Variants in DENND5A observed in about 807,000 individuals in gnomAD.
The protein encoded by DENND5A is DENN domain containing 5A.
Under a neutral mutation model 140.3 loss-of-function variants are expected in DENND5A, and 64 were observed. That is an observed-to-expected ratio of 0.46 (90% CI 0.37 to 0.56). The LOEUF is 0.56. Ranked by LOEUF, DENND5A falls within the 20% of genes least tolerant of loss-of-function variation. The pLI is 0.00. For missense variants in DENND5A, 1,292 were observed against 1,593.8 expected, an observed-to-expected ratio of 0.81 and a Z score of 3.22; for synonymous variants, 605 against 607.7, an observed-to-expected ratio of 1.00 and a Z score of 0.07.
intron 5 of DENND5A, among the ~76,000 whole-genome samples, chr11:9,185,730 G>T (rs1444223500): frequency 6.6e-6 from 1 of 152,082 alleles, no homozygotes; most frequent in Non-Finnish European, 1.5e-5. Flanking sequence ...GTACGTGTCT[G>T]TGTCTACGTG....
intron 19 of DENND5A, 21 bp from the exon 20 acceptor site, chr11:9,143,506 A>AT (rs1847318275): frequency 6.3e-7 from 1 of 1,592,432 alleles, no homozygotes; most frequent in Non-Finnish European, 8.6e-7. Flanking sequence ...TCAAGCAGAC[A>AT]TCCCTAACCA....
At chr11:9,144,611 C>T (rs1324114701) in intron 18 of DENND5A, among the ~76,000 whole-genome samples, 6 of 151,888 alleles carry the variant, frequency 4.0e-5, no homozygotes, top group African/African-American at 1.2e-4. Context: ...GTCAATATGG[C>T]GAAACCTGTC....
chr11:9,166,125 C>G (rs1721967227), intron 10 of DENND5A, among the ~76,000 whole-genome samples, 158 bp from the exon 11 acceptor site: 1 of 150,340 alleles, frequency 6.7e-6, no homozygotes, highest in African/African-American at 2.4e-5. Flanking sequence ...TGTCGCCAGG[C>G]TGGAGTGCAG....
At chr11:9,206,344 T>C (rs1424984325) in intron 3 of DENND5A, among the ~76,000 whole-genome samples, 1 of 152,140 alleles carries the variant, frequency 6.6e-6, no homozygotes, top group Non-Finnish European at 1.5e-5. Context: ...AGAAAACAAT[T>C]TTAAACTAGT....
chr11:9,259,802 G>C (rs1262711814), intron 1 of DENND5A, among the ~76,000 whole-genome samples: 2 of 152,048 alleles, frequency 1.3e-5, no homozygotes, highest in East Asian at 3.9e-4. Flanking sequence ...GCCAATGCGG[G>C]TGGGTCACCT....
chr11:9,232,758 G>A (rs1047417140), intron 1 of DENND5A, among the ~76,000 whole-genome samples: 1 of 151,990 alleles, frequency 6.6e-6, no homozygotes, highest in Admixed American at 6.6e-5. Flanking sequence ...TCACGAAAAG[G>A]CACATACAGG....
intron 12 of DENND5A, among the ~76,000 whole-genome samples, chr11:9,153,877 C>A (rs761533722): frequency 5.3e-5 from 8 of 152,190 alleles, no homozygotes; most frequent in Non-Finnish European, 8.8e-5. Flanking sequence ...TATTTGCAAG[C>A]CTGATGTGAG....
chr11:9,173,144 G>C (rs1848429435), intron 8 of DENND5A, among the ~76,000 whole-genome samples: 1 of 151,864 alleles, frequency 6.6e-6, no homozygotes. Flanking sequence ...CATCTTTAGA[G>C]TACTGAAAGG....
intron 12 of DENND5A, among the ~76,000 whole-genome samples, chr11:9,157,277 G>C (rs148017926): frequency 2.0e-5 from 3 of 152,244 alleles, no homozygotes; most frequent in African/African-American, 7.2e-5. Context: ...TCACACGCCA[G>C]GTATTTCCTT....
chr11:9,177,597 A>T (rs1848587293), intron 8 of DENND5A, among the ~76,000 whole-genome samples: 1 of 152,088 alleles, frequency 6.6e-6, no homozygotes, highest in South Asian at 2.1e-4. Context: ...CAAAAGCTGC[A>T]GTGAGCTATG....
At chr11:9,203,057 G>T (rs993791221) in intron 4 of DENND5A, among the ~76,000 whole-genome samples, 1 of 152,070 alleles carries the variant, frequency 6.6e-6, no homozygotes, top group African/African-American at 2.4e-5. Flanking sequence ...TTGAAACAAT[G>T]CCTGACACAT....
intron 1 of DENND5A, among the ~76,000 whole-genome samples, chr11:9,257,504 A>G (rs1851997008): frequency 7.1e-6 from 1 of 141,330 alleles, no homozygotes; most frequent in East Asian, 2.1e-4. Context: ...TTTTTTGAGA[A>G]GGAGTCTCAC....
intron 1 of DENND5A, among the ~76,000 whole-genome samples, chr11:9,253,172 T>C (rs1287406326): frequency 6.6e-6 from 1 of 152,048 alleles, no homozygotes; most frequent in Admixed American, 6.6e-5. Flanking sequence ...ATTTACAAGC[T>C]GAGCGAAGCC....
intron 1 of DENND5A, among the ~76,000 whole-genome samples, chr11:9,241,017 CTCTG>C (rs1204368273): frequency 2.6e-5 from 4 of 152,168 alleles, no homozygotes; most frequent in Admixed American, 6.5e-5. Flanking sequence ...TCCCTAGTAA[CTCTG>C]TCTGTGTATG....
intron 1 of DENND5A, among the ~76,000 whole-genome samples, chr11:9,210,289 G>A (rs975550363): frequency 7.9e-5 from 12 of 152,032 alleles, no homozygotes; most frequent in Admixed American, 2.0e-4. Flanking sequence ...TAGAAACAAC[G>A]ACTAATTATT....
At chr11:9,157,855 T>G (rs1847861968) in intron 12 of DENND5A, among the ~76,000 whole-genome samples, 1 of 152,230 alleles carries the variant, frequency 6.6e-6, no homozygotes, top group Non-Finnish European at 1.5e-5. Context: ...TTATTAACTA[T>G]CTATCTTTCA....
intron 1 of DENND5A, among the ~76,000 whole-genome samples, chr11:9,260,875 G>T (rs1278864793): frequency 1.3e-5 from 2 of 152,048 alleles, no homozygotes; most frequent in Admixed American, 6.6e-5. Context: ...TTGAGACAGG[G>T]TCTCACTCTG....
Position 9,265,139 on chromosome 11 carries a change from G to A in DENND5A, c.-70C>T. ...GCCCCCGCAACCCGGGCGCCCGCCC[G>A]TCCGCCCTCAGGCCGCCCCTCCCGC... On this transcript the variant is annotated 5_prime_UTR_variant, in exon 1 of 23. The change creates a new upstream start codon in the 5' untranslated region. Transcript: ENST00000328194. This position sits in a 1 kb window ranked among gnomAD's most constrained non-coding sequence, Gnocchi z 4.7. 5.2e-6 allele frequency: 5 copies of A among 954,034 alleles called. No homozygotes were observed. The highest frequency in any genetic ancestry group is 6.5e-6 in the Non-Finnish European group (5 of 774,190). The allele number at this position is 954,034 out of a possible 1,614,324, so 59.1% of individuals were successfully genotyped here. A position where few individuals can be genotyped will look rare whatever the true frequency, so the allele number is the denominator to read the frequency against.
At chr11:9,202,227 C>T (rs1268647558) in intron 4 of DENND5A, among the ~76,000 whole-genome samples, 1 of 152,154 alleles carries the variant, frequency 6.6e-6, no homozygotes, top group African/African-American at 2.4e-5. Context: ...AAAAGCAATG[C>T]ATGATATGGC....
Sources: allele counts gnomAD v4.1 joint callset (sites outside exome capture counted in the v4.1 genomes callset), GRCh38; gene constraint gnomAD v4.1.1; non-coding constraint Gnocchi (gnomAD v3.1); transcripts MANE v1.5; gene names NCBI Gene and HGNC (gene_info 2026-07-23, HGNC 2026-07-21).